The following ATG7 variants were observed in gnomAD, a reference collection of about 807,000 sequenced individuals.
The protein encoded by ATG7 is ubiquitin-like modifier-activating enzyme ATG7.
In ATG7, 70 loss-of-function variants were observed where a neutral mutation model predicts 82.4. The observed-to-expected ratio is 0.85, with a 90% CI of 0.70 to 1.04. ATG7 has a LOEUF of 1.04. Ranked by LOEUF, ATG7 falls within the 50% of genes least tolerant of loss-of-function variation. The probability of loss-of-function intolerance (pLI) is 0.00; values close to 1 mark genes in which losing one functional copy is unlikely to be tolerated. For synonymous variants in ATG7, 287 were observed against 313.0 expected, an observed-to-expected ratio of 0.92 and a Z score of 0.88; for missense variants, 792 against 864.3, an observed-to-expected ratio of 0.92 and a Z score of 1.05.
At position 11,555,108 on chromosome 3, in the gene ATG7, T is replaced by C. The variant is rs1237267582; in HGVS notation, c.*265T>C. ...ACTTGGTCCTCCATGCAGTTTTTAT[T>C]TCTTGTCACAGTGACTGATAGCCAT... On this transcript the variant is annotated 3_prime_UTR_variant, in exon 21 of 21. Transcript: ENST00000693202. The C allele has an allele frequency of 2.0e-6, 1 of 491,694 alleles. No individual in the cohort carries two copies. The highest frequency in any genetic ancestry group is 3.6e-6 in the Non-Finnish European group (1 of 279,298). 30.5% of individuals were successfully genotyped at this position (491,694 alleles called of 1,614,324 possible). A position where few individuals can be genotyped will look rare whatever the true frequency, so the allele number is the denominator to read the frequency against.
At chr3:11,315,555 T>A in intron 9 of ATG7, 62 bp downstream of exon 9, 1 of 1,390,474 alleles carries the variant, frequency 7.2e-7, no homozygotes, top group Non-Finnish European at 9.6e-7. Flanking sequence ...AAGTTCATGT[T>A]ACAAGAGACC....
chr3:11,454,578 G>C (rs2085516181), intron 20 of ATG7, among the ~76,000 whole-genome samples: 1 of 152,172 alleles, frequency 6.6e-6, no homozygotes, highest in Non-Finnish European at 1.5e-5. Flanking sequence ...CCAGAACCAG[G>C]CTTCCCTGAA....
intron 19 of ATG7, among the ~76,000 whole-genome samples, chr3:11,420,503 T>A (rs1369260497): frequency 1.3e-5 from 2 of 152,120 alleles, no homozygotes; most frequent in African/African-American, 4.8e-5. Context: ...TTCAAAGATG[T>A]TGTCAATTTT....
intron 7 of ATG7, among the ~76,000 whole-genome samples, chr3:11,309,868 T>C (rs1948379797): frequency 6.6e-6 from 1 of 152,190 alleles, no homozygotes; most frequent in African/African-American, 2.4e-5. Flanking sequence ...TGGTTTCTAA[T>C]ATTCACTGTT....
the ATG7 span, among the ~76,000 whole-genome samples, chr3:11,573,261 AAG>A: frequency 3.1e-4 from 3 of 9,630 alleles, 1 homozygote; most frequent in African/African-American, 1.9e-3. Flanking sequence ...GAAAGAAAGA[AAG>A]AAAGAAAGAA....
At chr3:11,468,607 C>T (rs903683396) in intron 20 of ATG7, among the ~76,000 whole-genome samples, 1 of 152,180 alleles carries the variant, frequency 6.6e-6, no homozygotes, top group African/African-American at 2.4e-5. Context: ...ATGCTATGAA[C>T]TGTGTCATGG....
intron 9 of ATG7, among the ~76,000 whole-genome samples, chr3:11,326,180 C>G (rs954127472): frequency 2.6e-5 from 4 of 152,170 alleles, no homozygotes; most frequent in Non-Finnish European, 4.4e-5. Flanking sequence ...GAGTTTTTCA[C>G]TACATCAGGC....
At chr3:11,558,870 G>T, downstream of ATG7, 1 of 1,599,738 alleles carries the variant, frequency 6.3e-7, no homozygotes. Flanking sequence ...ACAGGTGGCT[G>T]CAGACAGACA....
chr3:11,409,103 T>A (rs1423440350), intron 19 of ATG7, among the ~76,000 whole-genome samples: 2 of 152,218 alleles, frequency 1.3e-5, no homozygotes, highest in Admixed American at 6.5e-5. Flanking sequence ...CAGCTGGTCT[T>A]TTCATCCTTC....
chr3:11,495,732 T>TG (rs2090776873), intron 20 of ATG7, among the ~76,000 whole-genome samples: 1 of 152,236 alleles, frequency 6.6e-6, no homozygotes, highest in Admixed American at 6.5e-5. Context: ...CAGCCGTGGA[T>TG]ATCACCAAGT....
intron 20 of ATG7, among the ~76,000 whole-genome samples, chr3:11,471,014 T>G (rs2087444440): frequency 6.6e-6 from 1 of 152,118 alleles, no homozygotes; most frequent in Non-Finnish European, 1.5e-5. Context: ...TAGCCTGGCT[T>G]TTCTCCATCA....
intron 13 of ATG7, among the ~76,000 whole-genome samples, chr3:11,345,093 T>C (rs778857292): frequency 3.3e-5 from 5 of 151,992 alleles, no homozygotes; most frequent in Non-Finnish European, 5.9e-5. Context: ...TATAAATCCG[T>C]CTGGGCCTGA....
At chr3:11,430,135 A>G (rs2082739973) in intron 20 of ATG7, among the ~76,000 whole-genome samples, 2 of 152,166 alleles carry the variant, frequency 1.3e-5, no homozygotes, top group South Asian at 4.1e-4. Context: ...ATTTGAGCTT[A>G]TAACCCGTCT....
downstream of ATG7, chr3:11,559,365 G>C (rs2072754435): frequency 9.0e-6 from 14 of 1,551,382 alleles, no homozygotes; most frequent in Non-Finnish European, 1.2e-5. Context: ...GCAGGCCCGG[G>C]CGCGGCACAG....
chr3:11,307,597 A>G (rs148453435), intron 6 of ATG7, among the ~76,000 whole-genome samples: 5 of 152,292 alleles, frequency 3.3e-5, no homozygotes, highest in African/African-American at 9.6e-5. Flanking sequence ...TGAGTCTGTC[A>G]TAGCAAATCA....
At chr3:11,316,487 A>T (rs1171723232) in intron 9 of ATG7, among the ~76,000 whole-genome samples, 1 of 152,120 alleles carries the variant, frequency 6.6e-6, no homozygotes, top group East Asian at 1.9e-4. Context: ...TTCTATCTCC[A>T]CTGTGAAGCA....
At chr3:11,515,020 T>C (rs1359643703) in intron 20 of ATG7, among the ~76,000 whole-genome samples, 1 of 151,932 alleles carries the variant, frequency 6.6e-6, no homozygotes, top group Non-Finnish European at 1.5e-5. Context: ...TTTGTGTTTT[T>C]AGTAGAGACA....
rs535047679 is a variant in ATG7, at chr3:11,398,344, A to G, written c.1956+18292A>G. 4.6e-5 allele frequency among the ~76,000 whole-genome samples: 7 copies of G among 152,296 alleles called. No individual in the cohort carries two copies. In the East Asian group the frequency reaches 7.7e-4, roughly 17 times the overall value. On this transcript the variant is annotated intron_variant, in intron 19 of 20. Coordinates refer to ENST00000693202, the MANE Select transcript of ATG7 (RefSeq NM_001349232.2). ...AGACGGGATAATTAAACAAGTTTCA[A>G]CGAATTTCAGAGTGAAATTGTATAG... is the stretch of plus-strand genomic sequence containing the variant.
the ATG7 span, among the ~76,000 whole-genome samples, chr3:11,573,279 GAAAGAAAGAAAGA>G: frequency 6.5e-5 from 1 of 15,482 alleles, no homozygotes; most frequent in African/African-American, 2.6e-4. Context: ...AAGAAAGAAA[GAAAGAAAGAAAGA>G]AAGAAAGAAA....
Sources: allele counts gnomAD v4.1 joint callset (sites outside exome capture counted in the v4.1 genomes callset), GRCh38; gene constraint gnomAD v4.1.1; transcripts MANE v1.5; gene names NCBI Gene and HGNC (gene_info 2026-07-23, HGNC 2026-07-21).